Variants in PARM1 observed in about 807,000 individuals in gnomAD.
PARM1 encodes prostate androgen-regulated mucin-like protein 1.
Under a neutral mutation model 24.6 loss-of-function variants are expected in PARM1, and 14 were observed. The observed-to-expected ratio is 0.57, with a 90% CI of 0.38 to 0.89. PARM1 has a LOEUF of 0.89. Among genes scored for constraint, PARM1 ranks in the 40% least tolerant of loss-of-function variants. The pLI, the probability that PARM1 is intolerant of heterozygous loss-of-function variation, is 0.00. For synonymous variants in PARM1, 179 were observed against 156.6 expected (o/e 1.14, Z -1.07); for missense variants, 362 against 380.4 (o/e 0.95, Z 0.40).
At chr4:75,014,788 C>T (rs2109796444) in intron 2 of PARM1, among the ~76,000 whole-genome samples, 1 of 152,256 alleles carries the variant, frequency 6.6e-6, no homozygotes, top group East Asian at 1.9e-4. Flanking sequence ...CAGCCCATCA[C>T]CCCATTAGCA....
At chr4:75,008,793 C>G (rs746835462) in intron 1 of PARM1, among the ~76,000 whole-genome samples, 39 of 152,298 alleles carry the variant, frequency 2.6e-4, no homozygotes, top group Admixed American at 5.2e-4. Flanking sequence ...AATTGGTTCT[C>G]CTTTGTAGAT....
chr4:75,047,379 CACTT>C lies in PARM1; in HGVS notation c.*1135_*1138del, dbSNP rs1162525993. 5 of 152,252 alleles carry C rather than the reference CACTT, an allele frequency of 3.3e-5. No individual in the cohort carries two copies. Among genetic ancestry groups the C allele is most frequent in the Non-Finnish European group, 7.3e-5 (5 of 68,050 alleles). The allele number at this position is 152,252 out of a possible 1,614,324, so 9.4% of individuals were successfully genotyped here. A position where few individuals can be genotyped will look rare whatever the true frequency, so the allele number is the denominator to read the frequency against. ...GATTAATCCATTTATTCTTCCCACA[CACTT>C]ACCTTACTAAGTCTTTGCTTTAATA... On this transcript the variant is annotated 3_prime_UTR_variant, in exon 4 of 4. Transcript: ENST00000307428.
Position 75,045,946 on chromosome 4 carries a change from C to T in PARM1, c.849-217C>T, listed in dbSNP as rs114775416. ...AAGGACTCAGATGATGCCAACAGAA[C>T]ATGCCAGTCAGGATCCTAGCAGGAA... On this transcript the variant is annotated intron_variant, in intron 3 of 3. Transcript: ENST00000307428. 2.5e-3 allele frequency among the ~76,000 whole-genome samples: 387 copies of T among 152,296 alleles called. 3 individuals are homozygous for T. Among genetic ancestry groups the T allele is most frequent in the Non-Finnish European group, 4.6e-3 (310 of 68,018 alleles).
At chr4:75,032,636 C>T (rs940511293) in intron 2 of PARM1, among the ~76,000 whole-genome samples, 10 of 152,244 alleles carry the variant, frequency 6.6e-5, no homozygotes, top group Admixed American at 3.3e-4. Context: ...ATTTAATCCC[C>T]TTAAAATCAT....
At chr4:75,036,038 A>G (rs896099211) in intron 3 of PARM1, among the ~76,000 whole-genome samples, 2 of 152,178 alleles carry the variant, frequency 1.3e-5, no homozygotes, top group Admixed American at 6.5e-5. Flanking sequence ...CCTCGTTTCC[A>G]TTTTATAACA....
intron 3 of PARM1, among the ~76,000 whole-genome samples, chr4:75,040,473 G>C (rs1370348570): frequency 6.6e-6 from 1 of 152,116 alleles, no homozygotes; most frequent in East Asian, 1.9e-4. Flanking sequence ...TAAATATTTG[G>C]AAATATTCCC....
chr4:75,004,079 G>A (rs1481047822), intron 1 of PARM1, among the ~76,000 whole-genome samples: 8 of 152,160 alleles, frequency 5.3e-5, no homozygotes, highest in Non-Finnish European at 1.0e-4. Flanking sequence ...AAGTCTGTCT[G>A]GAGGCCCATC....
rs146894845 is a variant in PARM1, at chr4:75,007,061, G to A, written c.44-5364G>A. Among the ~76,000 whole-genome samples the A allele has an allele frequency of 7.6e-3, 1,160 of 152,210 alleles. 10 individuals carry two copies. Among genetic ancestry groups the A allele is most frequent in the African/African-American group, 0.024 (1,013 of 41,518 alleles). ...CAAGCAACCCCATCAAAAAGTGGGCGAAGGATATGAACAGACACTTCTCAA... is the reference window on the plus strand; with the variant it reads ...CAAGCAACCCCATCAAAAAGTGGGCAAAGGATATGAACAGACACTTCTCAA... On this transcript the variant is annotated intron_variant, in intron 1 of 3. Transcript: ENST00000307428.
chr4:74,993,717 T>G (rs898724404), intron 1 of PARM1, among the ~76,000 whole-genome samples: 1 of 152,124 alleles, frequency 6.6e-6, no homozygotes, highest in Non-Finnish European at 1.5e-5. Context: ...ATTTTTAATT[T>G]TTGATGACAG....
intron 1 of PARM1, among the ~76,000 whole-genome samples, chr4:74,941,422 G>A: frequency 6.6e-6 from 1 of 152,132 alleles, no homozygotes; most frequent in East Asian, 1.9e-4. Context: ...GAAGCTGGGG[G>A]CATAAAGTTT....
intron 1 of PARM1, among the ~76,000 whole-genome samples, chr4:74,999,704 A>G (rs577953643): frequency 3.3e-4 from 50 of 152,328 alleles, no homozygotes; most frequent in African/African-American, 1.2e-3. Context: ...AATAAATGGT[A>G]TGATAGAATG....
intron 1 of PARM1, among the ~76,000 whole-genome samples, chr4:74,979,033 C>T (rs185636528): frequency 2.0e-5 from 3 of 152,004 alleles, no homozygotes; most frequent in Admixed American, 1.3e-4. Flanking sequence ...GACACCCTAA[C>T]ATCACAATGA....
chr4:74,988,409 A>G (rs1256108487), intron 1 of PARM1, among the ~76,000 whole-genome samples: 4 of 152,222 alleles, frequency 2.6e-5, no homozygotes, highest in African/African-American at 9.6e-5. Context: ...GATGGCGCGT[A>G]TCAGTATACA....
chr4:74,963,908 G>T (rs1463464341), intron 1 of PARM1, among the ~76,000 whole-genome samples: 2 of 152,130 alleles, frequency 1.3e-5, no homozygotes, highest in African/African-American at 4.8e-5. Context: ...CAAGATCTTT[G>T]CAGCAATCAT....
At chr4:74,984,507 G>A (rs17196260) in intron 1 of PARM1, among the ~76,000 whole-genome samples, 8,489 of 152,240 alleles carry the variant, frequency 0.056, 255 homozygotes, top group Middle Eastern at 0.092. Flanking sequence ...TGTTTCCAAA[G>A]GCACAGAATT....
chr4:74,965,056 A>T (rs1168670377), intron 1 of PARM1: 1 of 152,210 alleles, frequency 6.6e-6, no homozygotes, highest in Non-Finnish European at 1.5e-5. Flanking sequence ...TGAGCAAAGT[A>T]AGCTCCTCTT....
chr4:75,046,738 C>T lies in PARM1; in HGVS notation c.*491C>T, dbSNP rs1723611352. On this transcript the variant is annotated 3_prime_UTR_variant, in exon 4 of 4. Transcript: ENST00000307428. ...GGGTTTTCTCAGATTCCTTTTTAAT[C>T]TCTATTTATCTGGTTGTTTCTGACA... The T allele has an allele frequency of 6.5e-6, 1 of 153,112 alleles. No homozygotes were observed. Among genetic ancestry groups the T allele is most frequent in the Admixed American group, 6.5e-5 (1 of 15,428 alleles). The allele number at this position is 153,112 out of a possible 1,614,324, so 9.5% of individuals were successfully genotyped here.
At position 75,049,670 on chromosome 4, in the gene PARM1, A is replaced by G. The variant is rs1370020784; in HGVS notation, c.*3423A>G. 6.6e-6 allele frequency: 1 copy of G among 152,558 alleles called. No individual in the cohort carries two copies. Among genetic ancestry groups the G allele is most frequent in the East Asian group, 1.9e-4 (1 of 5,188 alleles). 9.5% of individuals were successfully genotyped at this position (152,558 alleles called of 1,614,324 possible). On this transcript the variant is annotated 3_prime_UTR_variant, in exon 4 of 4. Transcript: ENST00000307428. ...TGAGCACTAACAGCAGTAGACGTAGACCTCTGTCCTTTACCATCTGAGGTC... is the reference window on the plus strand; with the variant it reads ...TGAGCACTAACAGCAGTAGACGTAGGCCTCTGTCCTTTACCATCTGAGGTC...
At chr4:75,014,108 G>T (rs765129291) in intron 2 of PARM1, among the ~76,000 whole-genome samples, 31 of 152,220 alleles carry the variant, frequency 2.0e-4, no homozygotes, top group Non-Finnish European at 3.7e-4. Context: ...ACAGAACCCT[G>T]CATGGTCAGT....
Sources: allele counts gnomAD v4.1 joint callset (sites outside exome capture counted in the v4.1 genomes callset), GRCh38; gene constraint gnomAD v4.1.1; transcripts MANE v1.5; gene names NCBI Gene and HGNC (gene_info 2026-07-23, HGNC 2026-07-21).